Variants in FAM171B observed in about 807,000 individuals in gnomAD.
FAM171B encodes the protein protein FAM171B.
Under a neutral mutation model 75.6 loss-of-function variants are expected in FAM171B, and 19 were observed. The observed-to-expected ratio is 0.25, with a 90% CI of 0.18 to 0.37. FAM171B has a LOEUF of 0.37. FAM171B is among the 10% of genes least tolerant of loss of function. The pLI is 1.00. For synonymous variants in FAM171B, 367 were observed against 361.7 expected, an observed-to-expected ratio of 1.01 and a Z score of -0.17; for missense variants, 848 against 982.4, an observed-to-expected ratio of 0.86 and a Z score of 1.83.
chr2:186,762,824 C>T lies in FAM171B; in HGVS notation c.*1C>T, dbSNP rs1290961011. ...ACGCCCACTGATTCCCATAAATTAACTCCAATGGGGATTGTGTGTCTGCTG... is the reference window on the plus strand; with the variant it reads ...ACGCCCACTGATTCCCATAAATTAATTCCAATGGGGATTGTGTGTCTGCTG... On this transcript the variant is annotated 3_prime_UTR_variant, in exon 8 of 8. Transcript: ENST00000304698. This position sits in a 1 kb window ranked among gnomAD's most constrained non-coding sequence, Gnocchi z 4.0. 1 of 1,606,938 alleles carries T rather than the reference C, an allele frequency of 6.2e-7. No individual in the cohort carries two copies. The highest frequency in any genetic ancestry group is 8.5e-7 in the Non-Finnish European group (1 of 1,176,518).
chr2:186,706,657 C>G (rs557745913), intron 1 of FAM171B, among the ~76,000 whole-genome samples: 1 of 152,282 alleles, frequency 6.6e-6, no homozygotes, highest in South Asian at 2.1e-4. Flanking sequence ...AAGATATAGA[C>G]ACCCCTGACA....
chr2:186,723,626 T>G (rs1057409859), intron 1 of FAM171B, among the ~76,000 whole-genome samples: 2 of 152,210 alleles, frequency 1.3e-5, no homozygotes, highest in African/African-American at 4.8e-5. Flanking sequence ...GGTCCTAATC[T>G]TGCATTTTAA....
At chr2:186,715,739 A>C (rs1388967175) in intron 1 of FAM171B, among the ~76,000 whole-genome samples, 1 of 152,186 alleles carries the variant, frequency 6.6e-6, no homozygotes, top group Non-Finnish European at 1.5e-5. Flanking sequence ...GCTGGAAAGT[A>C]ATAGAAATTT....
At chr2:186,742,866 A>T (rs1403215928) in intron 2 of FAM171B, among the ~76,000 whole-genome samples, 1 of 152,094 alleles carries the variant, frequency 6.6e-6, no homozygotes, top group Non-Finnish European at 1.5e-5. Flanking sequence ...TCTGCATTTA[A>T]CTCATCCCAA....
At chr2:186,702,834 A>G (rs1689682440) in intron 1 of FAM171B, among the ~76,000 whole-genome samples, 2 of 152,150 alleles carry the variant, frequency 1.3e-5, no homozygotes, top group African/African-American at 2.4e-5. Context: ...TTAAGGTTCT[A>G]TATCTTACAC....
At chr2:186,727,573 G>A (rs924050759) in intron 1 of FAM171B, among the ~76,000 whole-genome samples, 12 of 152,050 alleles carry the variant, frequency 7.9e-5, no homozygotes, top group South Asian at 2.1e-4. Context: ...GCATGACTGC[G>A]TTCCAGTAAA....
intron 6 of FAM171B, among the ~76,000 whole-genome samples, chr2:186,760,762 G>A (rs1180482150): frequency 6.6e-6 from 1 of 151,908 alleles, no homozygotes; most frequent in Non-Finnish European, 1.5e-5. Context: ...CTGCTGCGCT[G>A]TTGGACTTGG....
At chr2:186,711,943 T>C (rs1689815129) in intron 1 of FAM171B, among the ~76,000 whole-genome samples, 1 of 152,204 alleles carries the variant, frequency 6.6e-6, no homozygotes, top group Non-Finnish European at 1.5e-5. Flanking sequence ...TAGGTCATTT[T>C]TAAATTAGTT....
In FAM171B at chr2:186,765,264, C is replaced by G. The variant is rs1163964125; in HGVS notation, c.*2441C>G. ...AACCAAGGTTTTTTCAAATATAAAC[C>G]TAGATGATTTTGGTCACAAATTGTT... On this transcript the variant is annotated 3_prime_UTR_variant, in exon 8 of 8. Transcript: ENST00000304698. The G allele has an allele frequency of 1.3e-5, 2 of 151,770 alleles. No individual in the cohort carries two copies. The allele number at this position is 151,770 out of a possible 1,614,324, so 9.4% of individuals were successfully genotyped here. A position where few individuals can be genotyped will look rare whatever the true frequency, so the allele number is the denominator to read the frequency against.
intron 6 of FAM171B, among the ~76,000 whole-genome samples, chr2:186,757,145 G>A (rs912859385): frequency 6.6e-6 from 1 of 152,116 alleles, no homozygotes; most frequent in Non-Finnish European, 1.5e-5. Flanking sequence ...CCTGGAGTAT[G>A]AGGGGTGGTG....
At chr2:186,702,526 T>C (rs1218990789) in intron 1 of FAM171B, among the ~76,000 whole-genome samples, 2 of 152,222 alleles carry the variant, frequency 1.3e-5, no homozygotes, top group African/African-American at 4.8e-5. Flanking sequence ...TATCAGATTC[T>C]GTGCCATTTA....
rs367601124 is a variant in FAM171B at position 186,765,662 on chromosome 2, T to C, written c.*2839T>C. 4 of 138,886 alleles carry C rather than the reference T, an allele frequency of 2.9e-5. No homozygotes were observed. Among genetic ancestry groups the C allele is most frequent in the South Asian group, 5.2e-4 (2 of 3,856 alleles). The allele number at this position is 138,886 out of a possible 1,614,324, so 8.6% of individuals were successfully genotyped here. On this transcript the variant is annotated 3_prime_UTR_variant, in exon 8 of 8. Coordinates refer to ENST00000304698, the MANE Select transcript of FAM171B (RefSeq NM_177454.4). ...TCAAATGATGTCCCTCAAAACTTCCTAAAAAGGTGAAGCTCAAAGTCACAC... is the reference window on the plus strand; with the variant it reads ...TCAAATGATGTCCCTCAAAACTTCCCAAAAAGGTGAAGCTCAAAGTCACAC...
At chr2:186,724,840 G>A (rs1314696382) in intron 1 of FAM171B, among the ~76,000 whole-genome samples, 1 of 152,172 alleles carries the variant, frequency 6.6e-6, no homozygotes, top group Non-Finnish European at 1.5e-5. Flanking sequence ...GAGGGGAAAT[G>A]AGCTCAGAGA....
In FAM171B at chr2:186,764,336, T is replaced by G. The variant is rs1690667741; in HGVS notation, c.*1513T>G. The G allele has an allele frequency of 6.6e-6, 1 of 152,006 alleles. No individual in the cohort carries two copies. Among genetic ancestry groups the G allele is most frequent in the Non-Finnish European group, 1.5e-5 (1 of 67,932 alleles). The allele number at this position is 152,006 out of a possible 1,614,324, so 9.4% of individuals were successfully genotyped here. On this transcript the variant is annotated 3_prime_UTR_variant, in exon 8 of 8. Coordinates refer to ENST00000304698, the MANE Select transcript of FAM171B (RefSeq NM_177454.4). ...ATGTGCAATTTTTTCCTCCAACTTC[T>G]AACGTGTCAAATAACCTTCCTACTG...
intron 6 of FAM171B, 91 bp from the exon 7 acceptor site, chr2:186,761,022 C>T: frequency 7.5e-7 from 1 of 1,330,252 alleles, no homozygotes. Flanking sequence ...AAAGTATGTA[C>T]ACTTATTCAA....
chr2:186,694,197 C>T lies in FAM171B; in HGVS notation c.24C>T (p.Val8=), dbSNP rs747232087. 3 of 1,605,176 alleles carry T rather than the reference C, an allele frequency of 1.9e-6. No individual in the cohort carries two copies. The highest frequency in any genetic ancestry group is 4.5e-5 in the East Asian group (2 of 44,856). MARLCRR[V]PCTLLLGLAV... is the part of the protein sequence containing the mutation. ...CCATGGCGAGGCTCTGCCGGCGTGT[C>T]CCCTGCACCCTGCTTCTCGGCCTGG... Residue 8 remains valine, a synonymous_variant, in exon 1 of 8, where the codon GTC becomes GTT. Coordinates refer to ENST00000304698, the MANE Select transcript of FAM171B (RefSeq NM_177454.4).
intron 1 of FAM171B, among the ~76,000 whole-genome samples, chr2:186,715,146 C>T (rs1689857483): frequency 6.6e-6 from 1 of 152,114 alleles, no homozygotes; most frequent in Non-Finnish European, 1.5e-5. Context: ...ATTTACTACG[C>T]CCAGAATCTC....
At chr2:186,699,889 C>T (rs1244656487) in intron 1 of FAM171B, among the ~76,000 whole-genome samples, 1 of 152,142 alleles carries the variant, frequency 6.6e-6, no homozygotes, top group East Asian at 1.9e-4. Flanking sequence ...TGTCCTTCCC[C>T]TAATGTATGT....
At chr2:186,695,045 A>G (rs191992608) in intron 1 of FAM171B, 1 of 152,420 alleles carries the variant, frequency 6.6e-6, no homozygotes, top group African/African-American at 2.4e-5. Flanking sequence ...GCAAAACAAA[A>G]CAGGAGTTTG....
Sources: gnomAD v4.1 joint callset for allele counts (sites outside exome capture counted in the v4.1 genomes callset) on GRCh38, gnomAD v4.1.1 for gene constraint, Gnocchi (gnomAD v3.1) non-coding constraint, MANE v1.5 for transcripts, NCBI Gene and HGNC (gene_info 2026-07-23, HGNC 2026-07-21) for gene names.